The following IQGAP1 variants were observed in gnomAD, a reference collection of about 807,000 sequenced individuals.
The protein encoded by IQGAP1 is IQ motif containing GTPase activating protein 1.
IQGAP1 carries 66 observed loss-of-function variants against 215.6 expected under a neutral mutation model. That is an observed-to-expected ratio of 0.31 (90% CI 0.25 to 0.38). The LOEUF is 0.38. Among genes scored for constraint, IQGAP1 ranks in the 10% least tolerant of loss-of-function variants. The probability of loss-of-function intolerance (pLI) is 1.00; values close to 1 mark genes in which losing one functional copy is unlikely to be tolerated. For synonymous variants in IQGAP1, 772 were observed against 728.7 expected, an observed-to-expected ratio of 1.06 and a Z score of -0.96; for missense variants, 1,712 against 1,997.1, an observed-to-expected ratio of 0.86 and a Z score of 2.72.
intron 3 of IQGAP1, among the ~76,000 whole-genome samples, chr15:90,426,491 C>A (rs1735240367): frequency 7.2e-6 from 1 of 138,532 alleles, no homozygotes; most frequent in Non-Finnish European, 1.6e-5. Context: ...CCCGCCTCCC[C>A]CCTACCCTGT....
chr15:90,478,126 G>C (rs915538890), intron 26 of IQGAP1, among the ~76,000 whole-genome samples: 1 of 151,998 alleles, frequency 6.6e-6, no homozygotes, highest in African/African-American at 2.4e-5. Flanking sequence ...CGAGTAGCTG[G>C]GATTACAGTT....
chr15:90,454,464 A>T lies in IQGAP1; in HGVS notation c.1524A>T (p.Ala508=), dbSNP rs764556396. 4 of 1,613,198 alleles carry T rather than the reference A, an allele frequency of 2.5e-6. No homozygotes were observed. The South Asian group carries it at 3.3e-5, about 13-fold the overall frequency. ...LDELMKLKAQ[A]HAENNEFITW... ...AGTTGATGAAACTGAAGGCTCAGGC[A>T]CATGCAGAGAATAATGAATTCATTA... Residue 508 remains alanine, a synonymous_variant, in exon 14 of 38, where the codon GCA becomes GCT. Coordinates refer to ENST00000268182, the MANE Select transcript of IQGAP1 (RefSeq NM_003870.4).
At chr15:90,474,196 T>C (rs1461155768) in intron 22 of IQGAP1, 63 bp downstream of exon 22, 1 of 1,399,736 alleles carries the variant, frequency 7.1e-7, no homozygotes, top group East Asian at 2.3e-5. Context: ...GTTCAGGGTA[T>C]TCTCCACAGA....
chr15:90,498,670 C>T lies in IQGAP1; in HGVS notation c.4861-1325C>T, dbSNP rs1310584675. Among the ~76,000 whole-genome samples the T allele has an allele frequency of 2.0e-5, 3 of 151,560 alleles. No homozygotes were observed. In the East Asian group the frequency reaches 5.9e-4, roughly 30 times the overall value. ...TCCTTTCTTTTTTTGGAGGGGGGGG[C>T]AGAGTCTCGCCCTGTCTCCCAGACT... On this transcript the variant is annotated intron_variant, in intron 37 of 37. Coordinates refer to ENST00000268182, the MANE Select transcript of IQGAP1 (RefSeq NM_003870.4).
chr15:90,461,553 C>T (rs1965761738), intron 15 of IQGAP1, among the ~76,000 whole-genome samples: 3 of 152,182 alleles, frequency 2.0e-5, no homozygotes, highest in Admixed American at 2.0e-4. Context: ...ATATGAATGA[C>T]TTAGGCCGTG....
At chr15:90,395,637 A>G (rs78414285) in intron 2 of IQGAP1, among the ~76,000 whole-genome samples, 3,583 of 152,268 alleles carry the variant, frequency 0.024, 98 homozygotes, top group East Asian at 0.11. Flanking sequence ...GAGCAGTTGT[A>G]TAGGAGCAAT....
At chr15:90,413,758 G>A (rs1429222799) in intron 2 of IQGAP1, among the ~76,000 whole-genome samples, 1 of 152,134 alleles carries the variant, frequency 6.6e-6, no homozygotes, top group East Asian at 1.9e-4. Flanking sequence ...ACTAGTATTT[G>A]GTATGTATCA....
chr15:90,414,268 T>A (rs1385363410), intron 2 of IQGAP1, among the ~76,000 whole-genome samples: 1 of 152,068 alleles, frequency 6.6e-6, no homozygotes, highest in Non-Finnish European at 1.5e-5. Context: ...AAGAATCTCT[T>A]GAGTTCAGGA....
chr15:90,449,785 G>C (rs1335721737), intron 11 of IQGAP1, 142 bp downstream of exon 11: 1 of 586,064 alleles, frequency 1.7e-6, no homozygotes, highest in African/African-American at 1.9e-5. Context: ...GTGGCAGGAG[G>C]GTTCCTCCAG....
intron 2 of IQGAP1, among the ~76,000 whole-genome samples, chr15:90,398,130 C>G (rs956204223): frequency 8.6e-5 from 13 of 152,042 alleles, no homozygotes; most frequent in African/African-American, 2.4e-4. Context: ...AGGTGATCCA[C>G]CCGCCTTGGC....
At chr15:90,422,629 T>C (rs1202751968) in intron 2 of IQGAP1, among the ~76,000 whole-genome samples, 1 of 54,080 alleles carries the variant, frequency 1.8e-5, no homozygotes, top group African/African-American at 6.9e-5. Context: ...TATATATGTA[T>C]ATATATATAT....
intron 26 of IQGAP1, among the ~76,000 whole-genome samples, chr15:90,478,192 T>C (rs1365532061): frequency 5.3e-5 from 8 of 152,120 alleles, no homozygotes; most frequent in African/African-American, 1.9e-4. Flanking sequence ...GGTTTCACCA[T>C]GTTGGCCAGA....
At chr15:90,477,285 C>A in intron 25 of IQGAP1, 55 bp downstream of exon 25, 1 of 1,427,614 alleles carries the variant, frequency 7.0e-7, no homozygotes, top group Non-Finnish European at 9.7e-7. Context: ...GAGGGGCTCC[C>A]AGTTTGAGAT....
intron 35 of IQGAP1, among the ~76,000 whole-genome samples, chr15:90,493,095 T>C (rs2151039970): frequency 6.6e-6 from 1 of 152,152 alleles, no homozygotes; most frequent in Middle Eastern, 3.4e-3. Context: ...ATATACAAAT[T>C]AGCTGGGTGT....
intron 18 of IQGAP1, among the ~76,000 whole-genome samples, chr15:90,471,707 T>A (rs1311653862): frequency 6.6e-6 from 1 of 151,682 alleles, no homozygotes; most frequent in Non-Finnish European, 1.5e-5. Flanking sequence ...TCCATGTTGG[T>A]CAGGCTGGTC....
intron 25 of IQGAP1, 38 bp downstream of exon 25, chr15:90,477,268 A>T: frequency 6.4e-7 from 1 of 1,552,458 alleles, no homozygotes; most frequent in Non-Finnish European, 8.8e-7. Context: ...GCCCCTTCCC[A>T]CTATCAGAGG....
chr15:90,490,480 G>A (rs62021774), intron 33 of IQGAP1, among the ~76,000 whole-genome samples: 1 of 152,236 alleles, frequency 6.6e-6, no homozygotes, highest in African/African-American at 2.4e-5. Flanking sequence ...GACTATGAAG[G>A]ATGGCAGTAT....
rs1440790587 is a variant in IQGAP1, at chr15:90,439,337, A to T, written c.473A>T (p.Tyr158Phe). The T allele has an allele frequency of 6.2e-7, 1 of 1,612,970 alleles. No homozygotes were observed. The highest frequency in any genetic ancestry group is 1.7e-4 in the Middle Eastern group (1 of 6,046). Residue 158 changes from tyrosine (Y) to phenylalanine (F), a missense_variant, in exon 6 of 38, where the codon TAC (tyrosine) becomes TTC (phenylalanine). Tyr to Phe is a conservative substitution (Grantham distance 22, BLOSUM62 3). Around this residue, in one of 2 missense-constraint regions of IQGAP1, gnomAD observed 1,021 missense variants for 1,074.2 expected, o/e 0.95. Coordinates refer to ENST00000268182, the MANE Select transcript of IQGAP1 (RefSeq NM_003870.4). Reference sequence around the variant, plus strand: ...TTGCATATTGTATCTTCTAGTTTGTACCTGTTCAAGCTAGGCCTGGCCCCT... The same window carrying T: ...TTGCATATTGTATCTTCTAGTTTGTTCCTGTTCAAGCTAGGCCTGGCCCCT... ...CIYCIHALSL[Y>F]LFKLGLAPQI... is the part of the protein sequence containing the mutation.
intron 2 of IQGAP1, among the ~76,000 whole-genome samples, chr15:90,402,646 G>A (rs1180322461): frequency 6.6e-6 from 1 of 152,128 alleles, no homozygotes; most frequent in African/African-American, 2.4e-5. Context: ...TCAGACTATT[G>A]CTTGGGATTA....
Sources: gnomAD v4.1 joint callset for allele counts (sites outside exome capture counted in the v4.1 genomes callset) on GRCh38, gnomAD v4.1.1 for gene constraint, gnomAD v4.1.1 regional missense constraint, MANE v1.5 for transcripts, NCBI Gene and HGNC (gene_info 2026-07-23, HGNC 2026-07-21) for gene names.